SORCS1: variants seen among roughly 807,000 people sequenced by gnomAD.
The protein encoded by SORCS1 is VPS10 domain-containing receptor SorCS1.
In SORCS1, 60 loss-of-function variants were observed where a neutral mutation model predicts 146.1. The ratio of observed to expected loss-of-function variants is 0.41; its 90% CI spans 0.33 to 0.51. The LOEUF (loss-of-function observed/expected upper bound fraction) is 0.51. Ranked by LOEUF, SORCS1 falls within the 20% of genes least tolerant of loss-of-function variation. SORCS1 has a pLI of 0.21. For synonymous variants in SORCS1, 637 were observed against 584.0 expected (o/e 1.09, Z -1.31); for missense variants, 1,352 against 1,487.6 (o/e 0.91, Z 1.50).
At chr10:107,109,969 C>T (rs896659503) in intron 1 of SORCS1, among the ~76,000 whole-genome samples, 6 of 152,184 alleles carry the variant, frequency 3.9e-5, no homozygotes, top group African/African-American at 1.4e-4. Flanking sequence ...ATCTTTAGGA[C>T]ATAGATCACA....
At chr10:106,967,270 C>T (rs184452252) in intron 1 of SORCS1, among the ~76,000 whole-genome samples, 1 of 152,152 alleles carries the variant, frequency 6.6e-6, no homozygotes, top group East Asian at 1.9e-4. Context: ...AATATATATC[C>T]ATATATAATA....
chr10:106,650,060 C>G (rs1010567357), intron 18 of SORCS1, among the ~76,000 whole-genome samples: 8 of 152,152 alleles, frequency 5.3e-5, no homozygotes, highest in African/African-American at 1.9e-4. Context: ...TATCATCCAA[C>G]TGTTGTTCTT....
rs373734011 is a variant in SORCS1 at position 106,654,711 on chromosome 10, T to C, written c.2304-2158A>G. On this transcript the variant is annotated intron_variant, in intron 17 of 25. Transcript: ENST00000263054. ...GCTATGCTGATCCCTGTCCTTAGAG[T>C]CCTTGCTTCTCACAATTAGGAAACT... Among the ~76,000 whole-genome samples the C allele has an allele frequency of 6.6e-5, 10 of 152,254 alleles. No individual in the cohort carries two copies. The South Asian group carries it at 2.1e-3, about 32-fold the overall frequency.
chr10:106,789,912 T>C (rs1190410993), intron 3 of SORCS1, among the ~76,000 whole-genome samples: 1 of 152,184 alleles, frequency 6.6e-6, no homozygotes, highest in Non-Finnish European at 1.5e-5. Flanking sequence ...CTGACAATCA[T>C]GGCAGAAGGC....
intron 1 of SORCS1, among the ~76,000 whole-genome samples, chr10:107,091,707 T>C (rs769551971): frequency 2.0e-5 from 3 of 152,178 alleles, no homozygotes; most frequent in Non-Finnish European, 4.4e-5. Flanking sequence ...CCCTTCAAGA[T>C]AGAGTAACTG....
At position 106,970,336 on chromosome 10, in the gene SORCS1, C is replaced by CTTTTTTTTTTT. The variant is rs766818370; in HGVS notation, c.559-13767_559-13757dup. Among the ~76,000 whole-genome samples, 658 of 89,382 alleles carry CTTTTTTTTTTT rather than the reference C, an allele frequency of 7.4e-3. 65 individuals carry two copies. The highest frequency in any genetic ancestry group is 0.027 in the Middle Eastern group (3 of 110). 58.6% of individuals were successfully genotyped at this position (89,382 alleles called of 152,430 possible). On this transcript the variant is annotated intron_variant, in intron 1 of 25. Coordinates refer to ENST00000263054, the MANE Select transcript of SORCS1 (RefSeq NM_052918.5). Reference sequence around the variant, plus strand: ...TTCCCTCCAAATGTAACCAACATCTCTTTTTTTTTTTTTTTTTTTGAGATG... The same window carrying CTTTTTTTTTTT: ...TTCCCTCCAAATGTAACCAACATCTCTTTTTTTTTTTTTTTTTTTTTTTTTTTTTTGAGATG...
chr10:107,148,193 A>G (rs1968494338), intron 1 of SORCS1, among the ~76,000 whole-genome samples: 1 of 152,220 alleles, frequency 6.6e-6, no homozygotes, highest in African/African-American at 2.4e-5. Flanking sequence ...TGGCATGCAG[A>G]TGACAACCAC....
chr10:106,637,614 A>G (rs552094766), intron 18 of SORCS1, among the ~76,000 whole-genome samples: 1 of 152,354 alleles, frequency 6.6e-6, no homozygotes, highest in South Asian at 2.1e-4. Context: ...AGAAGGTTTT[A>G]CAATTTTTCT....
intron 1 of SORCS1, among the ~76,000 whole-genome samples, chr10:107,099,046 G>C (rs1373421123): frequency 1.3e-5 from 2 of 152,174 alleles, no homozygotes; most frequent in African/African-American, 4.8e-5. Flanking sequence ...AATTAAGGAA[G>C]TTTCAGTTGC....
intron 1 of SORCS1, among the ~76,000 whole-genome samples, chr10:107,122,710 A>C (rs941905508): frequency 1.3e-5 from 2 of 150,254 alleles, no homozygotes; most frequent in Non-Finnish European, 3.0e-5. Flanking sequence ...AGCAGGAAAG[A>C]AAAAAAAAAG....
chr10:106,890,972 T>A (rs1199044184), intron 2 of SORCS1, among the ~76,000 whole-genome samples: 1 of 152,212 alleles, frequency 6.6e-6, no homozygotes, highest in Non-Finnish European at 1.5e-5. Flanking sequence ...AAACAACATG[T>A]GTTCCTGATT....
chr10:107,155,098 T>C (rs1470650462), intron 1 of SORCS1, among the ~76,000 whole-genome samples: 3 of 152,196 alleles, frequency 2.0e-5, no homozygotes, highest in Non-Finnish European at 4.4e-5. Flanking sequence ...TTTTTTAGTA[T>C]ACATTGAATG....
At chr10:107,088,667 T>A (rs1963949508) in intron 1 of SORCS1, among the ~76,000 whole-genome samples, 1 of 152,212 alleles carries the variant, frequency 6.6e-6, no homozygotes. Context: ...TGGGCACAGA[T>A]CACTGGAAGA....
At chr10:106,583,145 T>G in intron 24 of SORCS1, among the ~76,000 whole-genome samples, 1 of 152,382 alleles carries the variant, frequency 6.6e-6, no homozygotes, top group African/African-American at 2.4e-5. Flanking sequence ...ATTTATAAAG[T>G]ACTGTCATAG....
intron 23 of SORCS1, among the ~76,000 whole-genome samples, chr10:106,599,803 C>T (rs961946114): frequency 6.6e-6 from 1 of 150,784 alleles, no homozygotes; most frequent in African/African-American, 2.4e-5. Context: ...TGGAGTCTTG[C>T]TCTTGTCGCC....
At position 106,629,694 on chromosome 10, in the gene SORCS1, T is replaced by A. The variant is rs778541456; in HGVS notation, c.2476-306A>T. On this transcript the variant is annotated intron_variant, in intron 18 of 25. Coordinates refer to ENST00000263054, the MANE Select transcript of SORCS1 (RefSeq NM_052918.5). ...GTGATATTCAATTCCTCCAAAGGCT[T>A]TGGTAATAGTCTTAGCATCCACAAG... Among the ~76,000 whole-genome samples the A allele has an allele frequency of 2.6e-5, 4 of 152,328 alleles. No individual in the cohort carries two copies. In the East Asian group the frequency reaches 7.7e-4, roughly 29 times the overall value.
chr10:106,974,158 T>C (rs1185472363), intron 1 of SORCS1, among the ~76,000 whole-genome samples: 1 of 152,208 alleles, frequency 6.6e-6, no homozygotes, highest in Non-Finnish European at 1.5e-5. Flanking sequence ...GCAATTACTG[T>C]GGCCAAACAT....
intron 3 of SORCS1, among the ~76,000 whole-genome samples, chr10:106,778,954 C>T (rs1373324511): frequency 6.6e-6 from 1 of 152,148 alleles, no homozygotes; most frequent in Non-Finnish European, 1.5e-5. Context: ...TTATCAATCA[C>T]TTTAAAGTAT....
intron 3 of SORCS1, among the ~76,000 whole-genome samples, chr10:106,809,225 A>AAAT: frequency 6.6e-6 from 1 of 151,902 alleles, no homozygotes; most frequent in African/African-American, 2.4e-5. Flanking sequence ...ATAAATAAAT[A>AAAT]AATAATAATA....
Sources: gnomAD v4.1 joint callset for allele counts (sites outside exome capture counted in the v4.1 genomes callset) on GRCh38, gnomAD v4.1.1 for gene constraint, MANE v1.5 for transcripts, NCBI Gene and HGNC (gene_info 2026-07-23, HGNC 2026-07-21) for gene names.